Variants in CCDC57 observed in about 807,000 individuals in gnomAD.
CCDC57 encodes the protein coiled-coil domain containing 57.
Under a neutral mutation model 118.9 loss-of-function variants are expected in CCDC57, and 118 were observed. The observed-to-expected ratio is 0.99, with a 90% CI of 0.86 to 1.16. CCDC57 has a LOEUF of 1.16. Ranked by LOEUF, CCDC57 falls within the 50% of genes most tolerant of loss-of-function variation. The pLI is 0.00. For missense variants in CCDC57, 1,300 were observed against 1,320.7 expected, an observed-to-expected ratio of 0.98 and a Z score of 0.24; for synonymous variants, 527 against 532.9, an observed-to-expected ratio of 0.99 and a Z score of 0.15.
chr17:82,208,003 G>A (rs1346072462), exon 2 of CCDC57: 1 of 152,166 alleles, frequency 6.6e-6, no homozygotes, highest in African/African-American at 2.4e-5. Context: ...GATGATTCTT[G>A]TGGTATCAGA....
intron 16 of CCDC57, among the ~76,000 whole-genome samples, chr17:82,151,202 CAT>C (rs2041989720): frequency 7.0e-6 from 1 of 143,788 alleles, no homozygotes; most frequent in Non-Finnish European, 1.5e-5. Flanking sequence ...ACCAGGCGCA[CAT>C]CCAGAACCTG....
chr17:82,126,704 C>T (rs539875210), intron 19 of CCDC57: 24 of 985,304 alleles, frequency 2.4e-5, no homozygotes, highest in South Asian at 1.4e-4. Flanking sequence ...ACGTGGCACG[C>T]GGGCAGCCTT....
chr17:82,108,469 C>T (rs1374146364), intron 19 of CCDC57, among the ~76,000 whole-genome samples: 1 of 152,230 alleles, frequency 6.6e-6, no homozygotes, highest in African/African-American at 2.4e-5. Flanking sequence ...AGTTTCAGGG[C>T]AGGATCTCTC....
At chr17:82,203,061 C>T (rs963957349) in intron 2 of CCDC57, among the ~76,000 whole-genome samples, 1 of 152,198 alleles carries the variant, frequency 6.6e-6, no homozygotes, top group Admixed American at 6.5e-5. Context: ...AACGGGGGAG[C>T]TGGGGCCTGG....
At chr17:82,140,540 G>T (rs114087022) in intron 16 of CCDC57, among the ~76,000 whole-genome samples, 1 of 152,106 alleles carries the variant, frequency 6.6e-6, no homozygotes, top group Non-Finnish European at 1.5e-5. Flanking sequence ...TTACTCTCCC[G>T]GCCTGAGTCC....
chr17:82,174,453 C>T (rs1272024081), intron 11 of CCDC57, among the ~76,000 whole-genome samples: 4 of 152,222 alleles, frequency 2.6e-5, no homozygotes, highest in Non-Finnish European at 5.9e-5. Context: ...AAATAAGACT[C>T]TCTCTAGCTG....
chr17:82,178,496 C>G, exon 11 of CCDC57: 1 of 1,613,300 alleles, frequency 6.2e-7, no homozygotes, highest in Non-Finnish European at 8.5e-7. Context: ...TCTGGGGAGC[C>G]CATGCATCCT....
At position 82,172,280 on chromosome 17, in the gene CCDC57, C is replaced by T. The variant is rs934355831; in HGVS notation, c.1729+358G>A. Among the ~76,000 whole-genome samples, 8 of 152,222 alleles carry T rather than the reference C, an allele frequency of 5.3e-5. No individual in the cohort carries two copies. Among genetic ancestry groups the T allele is most frequent in the East Asian group, 1.9e-4 (1 of 5,196 alleles). ...GCCCTCATCAGCTCTGCCACAGACG[C>T]TCCTCTGGAGGAAAGGACTGAGGTC... On this transcript the variant is annotated intron_variant, in intron 12 of 19. Transcript: ENST00000665763. The surrounding 1 kb of genome is among the most constrained non-coding windows in gnomAD (Gnocchi z 5.2).
chr17:82,193,854 G>C (rs1321406670), intron 6 of CCDC57, 24 bp from the exon 6 acceptor site: 6 of 1,575,976 alleles, frequency 3.8e-6, no homozygotes, highest in Non-Finnish European at 5.2e-6. Context: ...AATATTTATG[G>C]AAGGAGCAAG....
chr17:82,141,272 C>T (rs7503125), intron 16 of CCDC57, among the ~76,000 whole-genome samples: 70,042 of 150,386 alleles, frequency 0.47, 17,034 homozygotes, highest in East Asian at 0.88. Flanking sequence ...CAACCTCTGC[C>T]ACCCTGGTTC....
rs551783755 is a variant in CCDC57, at chr17:82,201,593, G to A, written c.352C>T (p.Gln118Ter). ...TCCTGGAATGCCAGCTGCTGCTGCT[G>A]CTGCAGCTCCTCCACCTTCCTGGCC... is the stretch of plus-strand genomic sequence containing the variant. The change falls in exon 3 of 20, where the codon CAG becomes TAG. Residue 118 changes from glutamine to a stop codon, truncating the protein, a stop_gained. Transcript: ENST00000665763. LOFTEE classifies it high-confidence loss of function. 6.2e-6 allele frequency: 10 copies of A among 1,612,868 alleles called. No homozygotes were observed. The highest frequency in any genetic ancestry group is 4.4e-5 in the South Asian group (4 of 91,068).
At chr17:82,206,171 A>G (rs1253444916) in intron 2 of CCDC57, among the ~76,000 whole-genome samples, 2 of 152,216 alleles carry the variant, frequency 1.3e-5, no homozygotes, top group Admixed American at 1.3e-4. Context: ...GGCTCCCTGA[A>G]CCAGCCAGCT....
chr17:82,123,039 G>C (rs1219136964), intron 19 of CCDC57, among the ~76,000 whole-genome samples: 1 of 152,038 alleles, frequency 6.6e-6, no homozygotes, highest in Non-Finnish European at 1.5e-5. Context: ...CAAAAAAGCA[G>C]GGGCTGCTTC....
At chr17:82,149,226 T>G (rs1598923749) in intron 16 of CCDC57, among the ~76,000 whole-genome samples, 7 of 73,400 alleles carry the variant, frequency 9.5e-5, no homozygotes, top group Admixed American at 1.9e-4. Flanking sequence ...GATGGGTGGG[T>G]GGGTAGATGG....
intron 19 of CCDC57, among the ~76,000 whole-genome samples, chr17:82,116,480 C>T (rs2035938835): frequency 6.6e-6 from 1 of 152,118 alleles, no homozygotes; most frequent in Admixed American, 6.5e-5. Flanking sequence ...TGCAGTCTTC[C>T]CCACCCCCAC....
chr17:82,131,937 G>A (rs974382741), intron 17 of CCDC57, among the ~76,000 whole-genome samples: 5 of 151,656 alleles, frequency 3.3e-5, no homozygotes, highest in Non-Finnish European at 5.9e-5. Context: ...GCAACATGGC[G>A]AAACCCTATC....
At chr17:82,180,447 T>C (rs1161182027) in intron 9 of CCDC57, among the ~76,000 whole-genome samples, 1 of 152,256 alleles carries the variant, frequency 6.6e-6, no homozygotes, top group Non-Finnish European at 1.5e-5. Flanking sequence ...TGGTAATTTA[T>C]ACACAATGTG....
intron 14 of CCDC57, among the ~76,000 whole-genome samples, chr17:82,159,237 G>C (rs1168709660): frequency 6.6e-6 from 1 of 152,012 alleles, no homozygotes; most frequent in African/African-American, 2.4e-5. Flanking sequence ...GGGCTCAAGT[G>C]ATCTTCCTGC....
At chr17:82,195,118 CA>C in intron 5 of CCDC57, 144 bp downstream of exon 4, 3 of 675,990 alleles carry the variant, frequency 4.4e-6, no homozygotes, top group Non-Finnish European at 8.0e-6. Context: ...CCACATGGCC[CA>C]CCTGCTCGCT....
Sources: allele counts gnomAD v4.1 joint callset (sites outside exome capture counted in the v4.1 genomes callset), GRCh38; gene constraint gnomAD v4.1.1; non-coding constraint Gnocchi (gnomAD v3.1); transcripts MANE v1.5; gene names NCBI Gene and HGNC (gene_info 2026-07-23, HGNC 2026-07-21).